Variants in EIF4G3 observed in about 807,000 individuals in gnomAD.
EIF4G3 encodes the protein eukaryotic translation initiation factor 4 gamma 3.
EIF4G3 carries 34 observed loss-of-function variants against 186.4 expected under a neutral mutation model. The observed-to-expected ratio is 0.18, with a 90% CI of 0.14 to 0.24. The LOEUF is 0.24. Among genes scored for constraint, EIF4G3 ranks in the 10% least tolerant of loss-of-function variants. The pLI, the probability that EIF4G3 is intolerant of heterozygous loss-of-function variation, is 1.00. For synonymous variants in EIF4G3, 673 were observed against 679.5 expected (o/e 0.99, Z 0.15); for missense variants, 1,536 against 1,948.5 (o/e 0.79, Z 3.99).
chr1:21,083,994 GACTTT>G (rs1220839562), intron 3 of EIF4G3, among the ~76,000 whole-genome samples: 14 of 151,964 alleles, frequency 9.2e-5, no homozygotes, highest in Non-Finnish European at 1.5e-4. Flanking sequence ...ATATTCTACT[GACTTT>G]ACTTCTCCTT....
rs373229581 is a variant in EIF4G3 at position 21,015,691 on chromosome 1, T to C, written c.-66-12883A>G. Reference sequence around the variant, plus strand: ...GACAAGCAAGGGATCCTCAATAAGATTATCAGCAGAAACTTGCAGACCAGA... The same window carrying C: ...GACAAGCAAGGGATCCTCAATAAGACTATCAGCAGAAACTTGCAGACCAGA... On this transcript the variant is annotated intron_variant, in intron 4 of 36. Transcript: ENST00000602326. Among the ~76,000 whole-genome samples, 15 of 149,878 alleles carry C rather than the reference T, an allele frequency of 1.0e-4. No homozygotes were observed. The South Asian group carries it at 1.1e-3, about 11-fold the overall frequency.
chr1:20,928,142 TTAAC>T (rs1558280403), intron 14 of EIF4G3, among the ~76,000 whole-genome samples: 1 of 152,140 alleles, frequency 6.6e-6, no homozygotes, highest in Non-Finnish European at 1.5e-5. Context: ...GAGGTAAAAT[TTAAC>T]TAGTAGTAAA....
chr1:20,812,663 T>C (rs1389840973), intron 35 of EIF4G3, among the ~76,000 whole-genome samples: 2 of 152,196 alleles, frequency 1.3e-5, no homozygotes, highest in Admixed American at 6.5e-5. Flanking sequence ...CCTATCAATA[T>C]TAACAATTCA....
chr1:21,102,699 A>C (rs2096548961), intron 2 of EIF4G3, among the ~76,000 whole-genome samples: 1 of 152,022 alleles, frequency 6.6e-6, no homozygotes, highest in African/African-American at 2.4e-5. Flanking sequence ...CCATCCTCCT[A>C]TTTTTCCTCC....
intron 2 of EIF4G3, among the ~76,000 whole-genome samples, chr1:21,134,706 G>A (rs1188529065): frequency 6.6e-6 from 1 of 152,018 alleles, no homozygotes; most frequent in Non-Finnish European, 1.5e-5. Context: ...AATACATTGG[G>A]CTAATGAATC....
chr1:20,829,445 G>A (rs1435307446), intron 30 of EIF4G3, among the ~76,000 whole-genome samples, 173 bp from the exon 31 acceptor site: 1 of 152,142 alleles, frequency 6.6e-6, no homozygotes, highest in Admixed American at 6.6e-5. Flanking sequence ...GATTATGTTA[G>A]CGTGGGGGAA....
chr1:21,131,483 TCCAAGAAGTTTAGAGAAATCC>T (rs2097154158), intron 2 of EIF4G3, among the ~76,000 whole-genome samples: 1 of 137,258 alleles, frequency 7.3e-6, no homozygotes, highest in Admixed American at 7.3e-5. Flanking sequence ...AAACCACAGA[TCCAAGAAGTTTAGAGAAATCC>T]TAAGCAAGGT....
rs559436218 is a variant in EIF4G3 at position 20,983,552 on chromosome 1, CT to C, written c.178-1145del. Reference sequence around the variant, plus strand: ...CTGTAAACAACACTTCAGGAACAAACTTAAGTATTTTTATAATGTAGTTAAT... The same window carrying C: ...CTGTAAACAACACTTCAGGAACAAACTAAGTATTTTTATAATGTAGTTAAT... On this transcript the variant is annotated intron_variant, in intron 7 of 36. Coordinates refer to ENST00000602326, the MANE Select transcript of EIF4G3 (RefSeq NM_001391906.1). Among the ~76,000 whole-genome samples, 818 of 129,086 alleles carry C rather than the reference CT, an allele frequency of 6.3e-3. 11 individuals are homozygous for C. The highest frequency in any genetic ancestry group is 0.026 in the East Asian group (124 of 4,858). 84.7% of individuals were successfully genotyped at this position (129,086 alleles called of 152,430 possible).
intron 15 of EIF4G3, among the ~76,000 whole-genome samples, chr1:20,902,779 T>C (rs1239790279): frequency 2.0e-5 from 3 of 152,172 alleles, no homozygotes; most frequent in Non-Finnish European, 4.4e-5. Flanking sequence ...TAGCTGGGAT[T>C]ATAGGCGCGC....
intron 2 of EIF4G3, among the ~76,000 whole-genome samples, chr1:21,117,736 T>TAAAAAAAAAAAAAAAAAAAA (rs71014156): frequency 0.01 from 752 of 72,950 alleles, 22 homozygotes; most frequent in East Asian, 0.026. Flanking sequence ...CAGTATATAG[T>TAAAAAAAAAAAAAAAAAAAA]AAAAAAAAAA....
intron 20 of EIF4G3, among the ~76,000 whole-genome samples, chr1:20,878,779 C>T (rs1422087683): frequency 6.6e-6 from 1 of 152,182 alleles, no homozygotes; most frequent in East Asian, 1.9e-4. Flanking sequence ...TCTTTGGTCT[C>T]CCTCTCTGTC....
intron 4 of EIF4G3, among the ~76,000 whole-genome samples, chr1:21,022,830 T>C (rs1023782377): frequency 6.6e-6 from 1 of 152,236 alleles, no homozygotes; most frequent in African/African-American, 2.4e-5. Context: ...TCCATGTAGC[T>C]TGTACTTTTT....
chr1:20,853,962 G>C (rs188798286), intron 26 of EIF4G3, among the ~76,000 whole-genome samples: 14 of 152,214 alleles, frequency 9.2e-5, no homozygotes, highest in African/African-American at 3.4e-4. Flanking sequence ...AGCGAAAACA[G>C]AACAAAACTT....
At chr1:20,999,228 CAATAT>C (rs1031116735) in intron 6 of EIF4G3, 6 of 243,514 alleles carry the variant, frequency 2.5e-5, no homozygotes, top group African/African-American at 1.4e-4. Context: ...CTTGGCTAAT[CAATAT>C]AATATAGTTT....
At chr1:20,884,547 T>C (rs2083466631) in intron 19 of EIF4G3, among the ~76,000 whole-genome samples, 1 of 152,238 alleles carries the variant, frequency 6.6e-6, no homozygotes, top group South Asian at 2.1e-4. Flanking sequence ...TCATTAAGCA[T>C]TTCTCACGGA....
At chr1:21,079,911 G>C (rs1377756990) in intron 3 of EIF4G3, among the ~76,000 whole-genome samples, 1 of 151,892 alleles carries the variant, frequency 6.6e-6, no homozygotes, top group Non-Finnish European at 1.5e-5. Context: ...CAGCACTTTG[G>C]GAGGCCGAGG....
At chr1:21,009,694 G>A (rs1331273582) in intron 4 of EIF4G3, among the ~76,000 whole-genome samples, 2 of 151,622 alleles carry the variant, frequency 1.3e-5, no homozygotes, top group Admixed American at 6.6e-5. Flanking sequence ...TTGCTCTGTC[G>A]CCCAGGCTGG....
intron 3 of EIF4G3, among the ~76,000 whole-genome samples, chr1:21,088,058 T>C (rs2101100335): frequency 6.6e-6 from 1 of 152,116 alleles, no homozygotes; most frequent in South Asian, 2.1e-4. Context: ...ATCATGCCAC[T>C]GCACTCCTGC....
At chr1:20,945,809 T>C (rs2095919080) in intron 13 of EIF4G3, among the ~76,000 whole-genome samples, 2 of 152,170 alleles carry the variant, frequency 1.3e-5, no homozygotes, top group South Asian at 4.1e-4. Flanking sequence ...TGTTTGTTTG[T>C]TTTTAGTGGG....
Sources: allele counts gnomAD v4.1 joint callset (sites outside exome capture counted in the v4.1 genomes callset), GRCh38; gene constraint gnomAD v4.1.1; transcripts MANE v1.5; gene names NCBI Gene and HGNC (gene_info 2026-07-23, HGNC 2026-07-21).